The following USH2A variants were observed in gnomAD, a reference collection of about 807,000 sequenced individuals.
USH2A encodes the protein usherin.
In USH2A, 443 loss-of-function variants were observed where a neutral mutation model predicts 538.9. That is an observed-to-expected ratio of 0.82 (90% CI 0.76 to 0.89). The LOEUF (loss-of-function observed/expected upper bound fraction) is 0.89, where lower values mean the gene tolerates loss of function less well. Ranked by LOEUF, USH2A falls within the 40% of genes least tolerant of loss-of-function variation. USH2A has a pLI of 0.00. For missense variants in USH2A, 6,633 were observed against 6,324.8 expected, an observed-to-expected ratio of 1.05 and a Z score of -1.65; for synonymous variants, 2,413 against 2,273.5, an observed-to-expected ratio of 1.06 and a Z score of -1.75.
chr1:215,639,556 T>C (rs1465980108), intron 68 of USH2A, among the ~76,000 whole-genome samples: 1 of 152,232 alleles, frequency 6.6e-6, no homozygotes, highest in Admixed American at 6.5e-5. Context: ...AAATCCTTCC[T>C]TTAAAATTTA....
At position 216,359,585 on chromosome 1, in the gene USH2A, G is replaced by T. The variant is rs182467865; in HGVS notation, c.784+5368C>A. Among the ~76,000 whole-genome samples, 181 of 151,866 alleles carry T rather than the reference G, an allele frequency of 1.2e-3. 5 individuals are homozygous for T. In the East Asian group the frequency reaches 0.028, roughly 24 times the overall value. ...ACTAGACATTGGTCTAATAACTCAG[G>T]TCATACAGAAAAACAAAATAACATT... On this transcript the variant is annotated intron_variant, in intron 4 of 71. Transcript: ENST00000307340.
At chr1:216,200,675 G>A (rs2034967360) in intron 16 of USH2A, among the ~76,000 whole-genome samples, 1 of 152,182 alleles carries the variant, frequency 6.6e-6, no homozygotes, top group African/African-American at 2.4e-5. Flanking sequence ...TAGATAAGCA[G>A]GACTTCTATG....
chr1:216,118,591 A>G (rs1397221627), intron 21 of USH2A, among the ~76,000 whole-genome samples: 1 of 152,202 alleles, frequency 6.6e-6, no homozygotes, highest in Non-Finnish European at 1.5e-5. Context: ...TCATCACTGG[A>G]GATACTAATA....
chr1:216,142,305 C>T (rs1269838064), intron 21 of USH2A, among the ~76,000 whole-genome samples: 1 of 152,018 alleles, frequency 6.6e-6, no homozygotes, highest in East Asian at 1.9e-4. Flanking sequence ...AAATATAATA[C>T]CAAAGTGCTG....
intron 44 of USH2A, among the ~76,000 whole-genome samples, chr1:215,858,040 T>C (rs1277904063): frequency 6.6e-6 from 1 of 152,174 alleles, no homozygotes; most frequent in East Asian, 1.9e-4. Flanking sequence ...CTAGGTGAAC[T>C]TAAAAACTAC....
At chr1:216,409,789 G>A (rs1370947401) in intron 3 of USH2A, among the ~76,000 whole-genome samples, 1 of 152,046 alleles carries the variant, frequency 6.6e-6, no homozygotes, top group African/African-American at 2.4e-5. Flanking sequence ...GACAATCTAG[G>A]CAATAGCATT....
intron 41 of USH2A, among the ~76,000 whole-genome samples, chr1:215,883,428 T>C (rs1664969588): frequency 6.6e-6 from 1 of 151,688 alleles, no homozygotes; most frequent in South Asian, 2.1e-4. Context: ...TACATATAGC[T>C]ATCTTTTTTT....
intron 4 of USH2A, among the ~76,000 whole-genome samples, chr1:216,348,779 T>C (rs2038224701): frequency 6.6e-6 from 1 of 152,066 alleles, no homozygotes; most frequent in Admixed American, 6.6e-5. Context: ...CTAGTCTCAT[T>C]AGTTGTGTTT....
chr1:215,970,158 A>G (rs1205923071), intron 36 of USH2A, among the ~76,000 whole-genome samples: 1 of 152,194 alleles, frequency 6.6e-6, no homozygotes, highest in Non-Finnish European at 1.5e-5. Context: ...GCTGTATCAC[A>G]TGAAACTATT....
At chr1:215,716,687 A>G (rs1461417140) in intron 61 of USH2A, among the ~76,000 whole-genome samples, 2 of 152,132 alleles carry the variant, frequency 1.3e-5, no homozygotes, top group Non-Finnish European at 2.9e-5. Context: ...ATGGATTAAA[A>G]TTCTCTGATT....
chr1:215,932,275 G>T (rs190788926), intron 38 of USH2A, among the ~76,000 whole-genome samples: 1 of 151,904 alleles, frequency 6.6e-6, no homozygotes, highest in South Asian at 2.1e-4. Flanking sequence ...GTTTGCCTCC[G>T]TATATTGGTC....
At chr1:216,333,595 G>A (rs1167227130) in intron 4 of USH2A, among the ~76,000 whole-genome samples, 4 of 152,024 alleles carry the variant, frequency 2.6e-5, no homozygotes, top group African/African-American at 9.7e-5. Flanking sequence ...ATTAATCTAT[G>A]CATCCAAGAA....
intron 38 of USH2A, among the ~76,000 whole-genome samples, chr1:215,933,533 G>T (rs1666413977): frequency 1.3e-5 from 2 of 151,856 alleles, no homozygotes; most frequent in South Asian, 4.1e-4. Context: ...TTTAATAATG[G>T]CATAAAAGGT....
At chr1:216,077,798 AT>A (rs1332244271) in intron 27 of USH2A, among the ~76,000 whole-genome samples, 1 of 150,604 alleles carries the variant, frequency 6.6e-6, no homozygotes, top group Non-Finnish European at 1.5e-5. Flanking sequence ...TACCACATAT[AT>A]AATTATATGT....
intron 9 of USH2A, among the ~76,000 whole-genome samples, chr1:216,317,432 T>C (rs2037530413): frequency 1.3e-5 from 2 of 152,024 alleles, no homozygotes; most frequent in Admixed American, 1.3e-4. Flanking sequence ...TCAGGAGGAA[T>C]AGCTAATGGT....
chr1:215,948,892 A>G lies in USH2A; in HGVS notation c.7121-14097T>C, dbSNP rs74141468. Among the ~76,000 whole-genome samples the G allele has an allele frequency of 4.4e-3, 671 of 152,294 alleles. 6 individuals are homozygous for G. Among genetic ancestry groups the G allele is most frequent in the African/African-American group, 0.016 (657 of 41,574 alleles). On this transcript the variant is annotated intron_variant, in intron 37 of 71. Transcript: ENST00000307340. ...AAAAAATTGGTTATGGCTTATTTAA[A>G]GAAACCATAATGTACGGATTGTATC...
At chr1:215,669,063 A>G (rs1657725277) in intron 64 of USH2A, among the ~76,000 whole-genome samples, 1 of 152,160 alleles carries the variant, frequency 6.6e-6, no homozygotes. Context: ...ACAAACAAAC[A>G]AACAAAAACT....
At chr1:216,096,874 G>A (rs2032452849) in intron 22 of USH2A, among the ~76,000 whole-genome samples, 2 of 152,172 alleles carry the variant, frequency 1.3e-5, no homozygotes, top group African/African-American at 4.8e-5. Flanking sequence ...AGACCATGAT[G>A]GTTTAAAAGT....
intron 18 of USH2A, among the ~76,000 whole-genome samples, chr1:216,197,274 TC>T (rs1242637912): frequency 6.6e-6 from 1 of 152,148 alleles, no homozygotes; most frequent in East Asian, 1.9e-4. Flanking sequence ...CATTTCCCTT[TC>T]CCCCCTGCCA....
Sources: gnomAD v4.1 joint callset for allele counts (sites outside exome capture counted in the v4.1 genomes callset) on GRCh38, gnomAD v4.1.1 for gene constraint, MANE v1.5 for transcripts, NCBI Gene and HGNC (gene_info 2026-07-23, HGNC 2026-07-21) for gene names.